Variants in SENP1 observed in about 807,000 individuals in gnomAD.
SENP1 encodes the protein SUMO specific peptidase 1.
SENP1 carries 21 observed loss-of-function variants against 93.0 expected under a neutral mutation model. The ratio of observed to expected loss-of-function variants is 0.23; its 90% confidence interval spans 0.16 to 0.33. The LOEUF is 0.33. Ranked by LOEUF, SENP1 falls within the 10% of genes least tolerant of loss-of-function variation. The pLI is 1.00. For missense variants in SENP1, 591 were observed against 758.7 expected, an observed-to-expected ratio of 0.78 and a Z score of 2.60; for synonymous variants, 256 against 259.6, an observed-to-expected ratio of 0.99 and a Z score of 0.13.
Position 48,074,217 on chromosome 12 carries a change from G to A in SENP1, c.940+107C>T, listed in dbSNP as rs1040519974. On this transcript the variant is annotated intron_variant, in intron 8 of 17. Transcript: ENST00000549518. ...TTCGGACTTCATATTTTCAGATTCG[G>A]TATGCTCATTTATTTATATGTATAT... 6.4e-5 allele frequency: 61 copies of A among 953,480 alleles called. No homozygotes were observed. In the African/African-American group the frequency reaches 9.3e-4, roughly 14 times the overall value. The allele number at this position is 953,480 out of a possible 1,614,324, so 59.1% of individuals were successfully genotyped here.
intron 13 of SENP1, among the ~76,000 whole-genome samples, chr12:48,059,360 G>T (rs1942805743): frequency 6.6e-6 from 1 of 151,860 alleles, no homozygotes; most frequent in African/African-American, 2.4e-5. Context: ...TTTTTCTTAT[G>T]AAGTGTCTAA....
intron 13 of SENP1, among the ~76,000 whole-genome samples, chr12:48,056,071 AT>A (rs1247153867): frequency 8.0e-6 from 1 of 124,530 alleles, no homozygotes; most frequent in Admixed American, 8.8e-5. Flanking sequence ...AATATACAGT[AT>A]ATATTATATA....
intron 6 of SENP1, among the ~76,000 whole-genome samples, chr12:48,076,835 CG>C (rs1375732437): frequency 6.6e-6 from 1 of 151,432 alleles, no homozygotes; most frequent in Non-Finnish European, 1.5e-5. Context: ...TTAGTAGAGA[CG>C]GGGTTTCACC....
chr12:48,093,280 GTTTTTTTT>G (rs374804144), intron 4 of SENP1, among the ~76,000 whole-genome samples: 3 of 126,540 alleles, frequency 2.4e-5, no homozygotes, highest in Middle Eastern at 3.6e-3. Flanking sequence ...TTCAGGTGAG[GTTTTTTTT>G]TTTTTTTTTT....
At chr12:48,053,020 T>C (rs769599128) in intron 13 of SENP1, among the ~76,000 whole-genome samples, 2 of 152,206 alleles carry the variant, frequency 1.3e-5, no homozygotes, top group Non-Finnish European at 2.9e-5. Context: ...GGAAAACCTA[T>C]TCCTAAGGCT....
chr12:48,085,715 CAAAAAAAAAAA>C (rs200416260), intron 5 of SENP1, among the ~76,000 whole-genome samples: 46 of 116,282 alleles, frequency 4.0e-4, no homozygotes, highest in East Asian at 2.5e-3. Context: ...TTGCTTCTCT[CAAAAAAAAAAA>C]AAAAAAAAAA....
intron 4 of SENP1, among the ~76,000 whole-genome samples, chr12:48,094,683 AAAT>A (rs944631145): frequency 1.3e-5 from 2 of 152,012 alleles, no homozygotes; most frequent in African/African-American, 4.8e-5. Flanking sequence ...CCATCTCAAA[AAAT>A]AATAATAATA....
At chr12:48,063,888 AAAAAC>A in intron 12 of SENP1, 47 bp from the exon 13 acceptor site, 1 of 1,560,612 alleles carries the variant, frequency 6.4e-7, no homozygotes, top group Non-Finnish European at 8.7e-7. Flanking sequence ...GTGGCTTCAG[AAAAAC>A]CGTATTTCTC....
intron 6 of SENP1, among the ~76,000 whole-genome samples, chr12:48,080,887 T>C (rs1157000037): frequency 2.0e-5 from 3 of 152,186 alleles, no homozygotes; most frequent in Non-Finnish European, 4.4e-5. Context: ...TAGCATCTTC[T>C]TTGCACTACA....
At chr12:48,105,584 CA>C in intron 1 of SENP1, 1 of 478,392 alleles carries the variant, frequency 2.1e-6, no homozygotes, top group Non-Finnish European at 4.2e-6. Context: ...CAAGAAATAT[CA>C]CTCGGGTCTC....
At chr12:48,052,171 A>C (rs896581128) in intron 13 of SENP1, among the ~76,000 whole-genome samples, 14 of 152,322 alleles carry the variant, frequency 9.2e-5, no homozygotes, top group African/African-American at 3.1e-4. Context: ...AATGTTTTCA[A>C]ACTAAGGATT....
At chr12:48,084,570 T>A (rs1944714656) in intron 5 of SENP1, among the ~76,000 whole-genome samples, 1 of 147,456 alleles carries the variant, frequency 6.8e-6, no homozygotes, top group African/African-American at 2.5e-5. Context: ...CGCCTCAGCC[T>A]CCCGAATAGC....
rs756851101 is a variant in SENP1 at position 48,048,069 on chromosome 12, A to C, written c.1623T>G (p.Phe541Leu). The change falls in exon 15 of 18, where the codon TTT becomes TTG. Residue 541 changes from phenylalanine (F) to leucine (L), a missense_variant. Coordinates refer to ENST00000549518, the MANE Select transcript of SENP1 (RefSeq NM_001267594.2). Reference protein sequence around the residue: ...GVHWCLAVVDFRKKNITYYDS... With the variant: ...GVHWCLAVVDLRKKNITYYDS... ...CGTAATAGGTAATATTCTTCTTTCT[A>C]AAGTCCACAACCTGAGAATAAGAAA... is the stretch of plus-strand genomic sequence containing the variant. The C allele has an allele frequency of 1.9e-6, 3 of 1,601,684 alleles. No individual in the cohort carries two copies. Among genetic ancestry groups the C allele is most frequent in the African/African-American group, 1.3e-5 (1 of 74,636 alleles).
At chr12:48,088,565 A>G (rs534408318) in intron 5 of SENP1, 8 of 487,542 alleles carry the variant, frequency 1.6e-5, no homozygotes, top group African/African-American at 1.6e-4. Context: ...ATATTCTCAT[A>G]TCCACCAAGA....
chr12:48,075,228 A>G (rs187529120), intron 6 of SENP1, among the ~76,000 whole-genome samples: 2 of 152,114 alleles, frequency 1.3e-5, no homozygotes, highest in Admixed American at 6.6e-5. Flanking sequence ...AAACAAAACA[A>G]AACAAAACAA....
chr12:48,046,448 T>C lies in SENP1; in HGVS notation c.1780A>G (p.Ile594Val), dbSNP rs1383084691. 9 of 1,608,088 alleles carry C rather than the reference T, an allele frequency of 5.6e-6. No individual in the cohort carries two copies. The highest frequency in any genetic ancestry group is 7.7e-6 in the Non-Finnish European group (9 of 1,174,852). ...WQLFSKKSQEIPQQMNGSDCG... is the reference protein window; with the variant it reads ...WQLFSKKSQEVPQQMNGSDCG... Reference sequence around the variant, plus strand: ...TCACTTCCATTCATCTGCTGAGGAATCTCCTGGAAGACCAACAACAAAAAA... The same window carrying C: ...TCACTTCCATTCATCTGCTGAGGAACCTCCTGGAAGACCAACAACAAAAAA... The change falls in exon 17 of 18, where the codon ATT becomes GTT. Residue 594 changes from isoleucine (I) to valine (V), a missense_variant. Physicochemically the swap from Ile to Val is conservative, Grantham distance 29. Transcript: ENST00000549518.
In SENP1 at chr12:48,096,418, A is replaced by C; in HGVS notation, c.145T>G (p.Ser49Ala). The change falls in exon 4 of 18, where the codon TCC (serine) becomes GCC (alanine). Residue 49 changes from serine (S) to alanine (A), a missense_variant. By Grantham distance (99) the Ser-to-Ala change is moderately conservative. Coordinates refer to ENST00000549518, the MANE Select transcript of SENP1 (RefSeq NM_001267594.2). ...LSLSDQQILS[S>A]RQGHLDRSFT... ...GATCGGTCCAAATGTCCTTGCCTGG[A>C]AGATAAAATCTAAACAAAGCAGAAG... 1 of 1,606,802 alleles carries C rather than the reference A, an allele frequency of 6.2e-7. No individual in the cohort carries two copies. Among genetic ancestry groups the C allele is most frequent in the Non-Finnish European group, 8.5e-7 (1 of 1,174,366 alleles).
chr12:48,104,784 T>C (rs977741955), intron 1 of SENP1, among the ~76,000 whole-genome samples: 1 of 152,248 alleles, frequency 6.6e-6, no homozygotes, highest in East Asian at 1.9e-4. Flanking sequence ...TAGCAGAACC[T>C]GTTTTTGTAC....
intron 8 of SENP1, among the ~76,000 whole-genome samples, chr12:48,073,821 G>GC (rs903245448): frequency 3.9e-5 from 6 of 152,190 alleles, no homozygotes; most frequent in African/African-American, 1.4e-4. Flanking sequence ...AAGTGCTGAA[G>GC]CAATTGGGCT....
Sources: gnomAD v4.1 joint callset for allele counts (sites outside exome capture counted in the v4.1 genomes callset) on GRCh38, gnomAD v4.1.1 for gene constraint, MANE v1.5 for transcripts, NCBI Gene and HGNC (gene_info 2026-07-23, HGNC 2026-07-21) for gene names.